MYOF: variants seen among roughly 807,000 people sequenced by gnomAD.
The protein encoded by MYOF is fer-1-like 3, myoferlin.
In MYOF, 244 loss-of-function variants were observed where a neutral mutation model predicts 284.2. The ratio of observed to expected loss-of-function variants is 0.86; its 90% CI spans 0.77 to 0.95. The LOEUF (loss-of-function observed/expected upper bound fraction) is 0.95, where lower values mean the gene tolerates loss of function less well. Among genes scored for constraint, MYOF ranks in the 40% least tolerant of loss-of-function variants. The pLI, the probability that MYOF is intolerant of heterozygous loss-of-function variation, is 0.00. For synonymous variants in MYOF, 904 were observed against 919.7 expected, an observed-to-expected ratio of 0.98 and a Z score of 0.31; for missense variants, 2,496 against 2,560.6, an observed-to-expected ratio of 0.97 and a Z score of 0.54.
intron 3 of MYOF, among the ~76,000 whole-genome samples, chr10:93,437,465 C>A (rs1189218635): frequency 1.3e-5 from 2 of 152,080 alleles, no homozygotes; most frequent in Non-Finnish European, 2.9e-5. Flanking sequence ...AGAGACACAG[C>A]CCACATGATT....
chr10:93,401,792 C>CGTGTGTGTGTGTGT (rs57326000), intron 11 of MYOF, among the ~76,000 whole-genome samples: 4 of 94,496 alleles, frequency 4.2e-5, no homozygotes, highest in Non-Finnish European at 7.6e-5. Context: ...AGAGCCTGTG[C>CGTGTGTGTGTGTGT]GTGTGTGTGT....
chr10:93,452,007 A>G, intron 3 of MYOF, 43 bp downstream of exon 3: 1 of 1,312,474 alleles, frequency 7.6e-7, no homozygotes, highest in Non-Finnish European at 1.1e-6. Flanking sequence ...CAACAGTGAG[A>G]TAGTAATACC....
At chr10:93,359,809 G>C (rs764154974) in intron 29 of MYOF, 24 bp downstream of exon 29, 36 of 1,613,578 alleles carry the variant, frequency 2.2e-5, no homozygotes, top group Non-Finnish European at 3.1e-5. Context: ...CCCCAGTCCA[G>C]CTCCCTTCCC....
intron 5 of MYOF, among the ~76,000 whole-genome samples, chr10:93,410,425 G>C (rs1338491579): frequency 3.3e-5 from 5 of 152,028 alleles, no homozygotes; most frequent in Admixed American, 3.3e-4. Context: ...ATTAGATCCT[G>C]CTACCTCCTG....
chr10:93,446,735 C>G (rs2056440031), intron 3 of MYOF, among the ~76,000 whole-genome samples: 1 of 145,600 alleles, frequency 6.9e-6, no homozygotes, highest in South Asian at 2.2e-4. Flanking sequence ...CTCATTTGGT[C>G]TTTTTTTTTT....
chr10:93,346,293 G>A (rs1844181075), intron 37 of MYOF, among the ~76,000 whole-genome samples: 1 of 152,264 alleles, frequency 6.6e-6, no homozygotes, highest in Non-Finnish European at 1.5e-5. Flanking sequence ...CAGAGGCTCT[G>A]TAAAATCAGT....
chr10:93,376,205 A>G (rs1845827557), intron 22 of MYOF, among the ~76,000 whole-genome samples: 1 of 152,208 alleles, frequency 6.6e-6, no homozygotes, highest in African/African-American at 2.4e-5. Flanking sequence ...GTTATTACCA[A>G]ATGTTTCTGT....
At position 93,408,673 on chromosome 10, in the gene MYOF, T is replaced by A. The variant is rs747325477; in HGVS notation, c.729+114A>T. On this transcript the variant is annotated intron_variant, in intron 7 of 53. Transcript: ENST00000359263. ...GCGTTCACATGGTCACACCTAGTTTTGTTCCTGTGATCTCTACTTGGAACT... is the reference window on the plus strand; with the variant it reads ...GCGTTCACATGGTCACACCTAGTTTAGTTCCTGTGATCTCTACTTGGAACT... 28 of 1,418,534 alleles carry A rather than the reference T, an allele frequency of 2.0e-5. No individual in the cohort carries two copies. The African/African-American group carries it at 3.8e-4, about 19-fold the overall frequency. The allele number at this position is 1,418,534 out of a possible 1,614,324, so 87.9% of individuals were successfully genotyped here. A position where few individuals can be genotyped will look rare whatever the true frequency, so the allele number is the denominator to read the frequency against.
intron 49 of MYOF, among the ~76,000 whole-genome samples, chr10:93,317,604 T>G (rs985526107): frequency 6.6e-5 from 10 of 152,090 alleles, no homozygotes; most frequent in African/African-American, 2.4e-4. Context: ...ACCACTGCAC[T>G]CCAGCCTGGG....
intron 49 of MYOF, among the ~76,000 whole-genome samples, chr10:93,319,235 C>G (rs1014073457): frequency 6.6e-6 from 1 of 152,232 alleles, no homozygotes; most frequent in African/African-American, 2.4e-5. Context: ...CTGCCACTGT[C>G]TCCTGGGGAA....
rs894993419 is a variant in MYOF at position 93,369,514 on chromosome 10, G to T, written c.2589+131C>A. The T allele has an allele frequency of 5.8e-5, 76 of 1,305,504 alleles. 1 individual carries two copies. The East Asian group carries it at 1.8e-3, about 31-fold the overall frequency. The allele number at this position is 1,305,504 out of a possible 1,614,324, so 80.9% of individuals were successfully genotyped here. ...TTATCCCTTAGGTTAAGATCCCTTC[G>T]ATGGGATTTTAGGGGATGGTAAGGA... On this transcript the variant is annotated intron_variant, in intron 25 of 53. Transcript: ENST00000359263.
chr10:93,443,520 G>T (rs545248676), intron 3 of MYOF, among the ~76,000 whole-genome samples: 131 of 147,342 alleles, frequency 8.9e-4, no homozygotes, highest in African/African-American at 3.2e-3. Context: ...CTCTCCTCTT[G>T]GTCCACTAGT....
At chr10:93,385,823 T>G (rs1341297430) in intron 19 of MYOF, among the ~76,000 whole-genome samples, 1 of 150,272 alleles carries the variant, frequency 6.7e-6, no homozygotes, top group East Asian at 1.9e-4. Context: ...ACATATACTG[T>G]GGGCAATATA....
intron 30 of MYOF, among the ~76,000 whole-genome samples, chr10:93,356,055 T>A (rs2133907160): frequency 6.6e-6 from 1 of 152,210 alleles, no homozygotes; most frequent in African/African-American, 2.4e-5. Flanking sequence ...AAGGATGGGA[T>A]AAGGAAGAGA....
At chr10:93,418,529 T>A (rs1423250508) in intron 5 of MYOF, among the ~76,000 whole-genome samples, 1 of 152,196 alleles carries the variant, frequency 6.6e-6, no homozygotes, top group Non-Finnish European at 1.5e-5. Flanking sequence ...GAAGCAGGGA[T>A]GCAAATGCAG....
chr10:93,456,349 A>G (rs1483050809), intron 2 of MYOF, among the ~76,000 whole-genome samples: 1 of 152,214 alleles, frequency 6.6e-6, no homozygotes, highest in Non-Finnish European at 1.5e-5. Context: ...GTGGGACCCA[A>G]GTTAATTTTT....
At position 93,351,830 on chromosome 10, in the gene MYOF, G is replaced by C. The variant is rs376843240; in HGVS notation, c.3498C>G (p.Ile1166Met). ...TGGTTTTGCTCCGATGGAGGAAACAGATATGAGCATATGGATCTAAAACAG... is the reference window on the plus strand; with the variant it reads ...TGGTTTTGCTCCGATGGAGGAAACACATATGAGCATATGGATCTAAAACAG... ...KDSFSDPYAH[I>M]CFLHRSKTTE... Residue 1166 changes from isoleucine (I) to methionine (M), a missense_variant, in exon 33 of 54, where the codon ATC becomes ATG. Around this residue, in one of 3 missense-constraint regions of MYOF, gnomAD observed 2,436 missense variants for 2,480.7 expected, o/e 0.98. Coordinates refer to ENST00000359263, the MANE Select transcript of MYOF (RefSeq NM_013451.4). 3.6e-4 allele frequency: 570 copies of C among 1,586,676 alleles called. No homozygotes were observed. Among genetic ancestry groups the C allele is most frequent in the Non-Finnish European group, 4.7e-4 (549 of 1,173,796 alleles).
chr10:93,333,320 A>C lies in MYOF; in HGVS notation c.4720-8T>G, dbSNP rs1216604390. On this transcript the variant is annotated splice_polypyrimidine_tract_variant and splice_region_variant and intron_variant, in intron 42 of 53. Coordinates refer to ENST00000359263, the MANE Select transcript of MYOF (RefSeq NM_013451.4). ...TTTTATGTAAGGGTCACACTGTGGGACAAAATAGACGGGATGTTACATCAT... is the reference window on the plus strand; with the variant it reads ...TTTTATGTAAGGGTCACACTGTGGGCCAAAATAGACGGGATGTTACATCAT... 6.2e-7 allele frequency: 1 copy of C among 1,610,422 alleles called. No homozygotes were observed. The highest frequency in any genetic ancestry group is 2.2e-5 in the East Asian group (1 of 44,858).
intron 37 of MYOF, among the ~76,000 whole-genome samples, chr10:93,347,046 A>T (rs1225834304): frequency 6.6e-6 from 1 of 152,184 alleles, no homozygotes; most frequent in African/African-American, 2.4e-5. Flanking sequence ...CAGGAGCAGG[A>T]CGCTTCAGAG....
Sources: allele counts gnomAD v4.1 joint callset (sites outside exome capture counted in the v4.1 genomes callset), GRCh38; gene constraint gnomAD v4.1.1; regional missense constraint gnomAD v4.1.1; transcripts MANE v1.5; gene names NCBI Gene and HGNC (gene_info 2026-07-23, HGNC 2026-07-21).